The following HLTF variants were observed in gnomAD, a reference collection of about 807,000 sequenced individuals.
HLTF encodes the protein DNA-dependent ATPase/E3 ubiquitin-protein ligase HLTF.
In HLTF, 127 loss-of-function variants were observed where a neutral mutation model predicts 129.4. The ratio of observed to expected loss-of-function variants is 0.98; its 90% CI spans 0.85 to 1.14. The LOEUF (loss-of-function observed/expected upper bound fraction) is 1.14, where lower values mean the gene tolerates loss of function less well. HLTF is among the 50% of genes most tolerant of loss of function. HLTF has a pLI of 0.00. For missense variants in HLTF, 1,139 were observed against 1,187.1 expected, an observed-to-expected ratio of 0.96 and a Z score of 0.60; for synonymous variants, 332 against 388.8, an observed-to-expected ratio of 0.85 and a Z score of 1.72.
At chr3:149,040,308 C>G in intron 20 of HLTF, 152 bp from the exon 21 acceptor site, 1 of 604,198 alleles carries the variant, frequency 1.7e-6, no homozygotes, top group Non-Finnish European at 2.8e-6. Context: ...TAAGAGACAT[C>G]TGAACATGCT....
At chr3:149,080,263 G>C (rs1719758106) in intron 2 of HLTF, among the ~76,000 whole-genome samples, 1 of 152,174 alleles carries the variant, frequency 6.6e-6, no homozygotes, top group African/African-American at 2.4e-5. Flanking sequence ...TTTGGAACTA[G>C]ATTGTAGGGA....
At position 149,039,159 on chromosome 3, in the gene HLTF, A is replaced by C; in HGVS notation, c.2686T>G (p.Cys896Gly). 1 of 1,612,018 alleles carries C rather than the reference A, an allele frequency of 6.2e-7. No individual in the cohort carries two copies. Among genetic ancestry groups the C allele is most frequent in the Non-Finnish European group, 8.5e-7 (1 of 1,179,132 alleles). ...GATCCTGCTTCAGTGTTTTGAAAAC[A>C]CTGAATTGATTCAACTCTTTTCTTT... ...AQKKRVESIQCFQNTEAGSPT... is the reference protein window; with the variant it reads ...AQKKRVESIQGFQNTEAGSPT... Residue 896 changes from cysteine (C) to glycine (G), a missense_variant, in exon 23 of 25, where the codon TGT (cysteine) becomes GGT (glycine). Transcript: ENST00000310053.
intron 1 of HLTF, among the ~76,000 whole-genome samples, chr3:149,085,865 G>A (rs1720330728): frequency 6.6e-6 from 1 of 151,982 alleles, no homozygotes; most frequent in Non-Finnish European, 1.5e-5. Context: ...TCGCTTATTT[G>A]CGATGCGTTT....
intron 24 of HLTF, 28 bp from the exon 25 acceptor site, chr3:149,032,400 A>G (rs767762385): frequency 1.5e-6 from 2 of 1,338,542 alleles, no homozygotes; most frequent in Admixed American, 2.5e-5. Flanking sequence ...AAAGTTAAGT[A>G]GTTTTTAAGG....
At chr3:149,075,783 T>A in intron 3 of HLTF, 98 bp downstream of exon 3, 2 of 668,288 alleles carry the variant, frequency 3.0e-6, no homozygotes, top group South Asian at 6.1e-5. Context: ...TGATAGAAAT[T>A]GTTAGCATAC....
chr3:149,042,243 C>T lies in HLTF; in HGVS notation c.2120G>A (p.Gly707Asp). The T allele has an allele frequency of 2.5e-6, 4 of 1,612,764 alleles. No individual in the cohort carries two copies. The highest frequency in any genetic ancestry group is 3.4e-6 in the Non-Finnish European group (4 of 1,178,902). Residue 707 changes from glycine to aspartate, a missense_variant, in exon 19 of 25, where the codon GGT becomes GAT. Coordinates refer to ENST00000310053, the MANE Select transcript of HLTF (RefSeq NM_003071.4). ...TVLAHYADVL[G>D]LLLRLRQICC... is the part of the protein sequence containing the mutation. Reference sequence around the variant, plus strand: ...AATTTGCCGCAGTCTAAGCAAAAGACCCAGGACATCTGCATAATGTGCCAG... The same window carrying T: ...AATTTGCCGCAGTCTAAGCAAAAGATCCAGGACATCTGCATAATGTGCCAG...
At chr3:149,032,672 G>A (rs917932054) in intron 24 of HLTF, among the ~76,000 whole-genome samples, 4 of 152,050 alleles carry the variant, frequency 2.6e-5, no homozygotes, top group Admixed American at 2.6e-4. Flanking sequence ...GTATTAAAAA[G>A]GCCATTCTGG....
At chr3:149,070,298 A>G (rs1008239266) in intron 7 of HLTF, among the ~76,000 whole-genome samples, 2 of 152,264 alleles carry the variant, frequency 1.3e-5, no homozygotes, top group Non-Finnish European at 1.5e-5. Context: ...ACAACCTAAC[A>G]GAACAGACTG....
chr3:149,053,320 A>G (rs1717156482), intron 14 of HLTF, among the ~76,000 whole-genome samples: 1 of 152,114 alleles, frequency 6.6e-6, no homozygotes, highest in East Asian at 1.9e-4. Context: ...TGAGTGGCTT[A>G]GTGCTATCCC....
intron 16 of HLTF, 63 bp downstream of exon 16, chr3:149,048,800 C>CTAACTT: frequency 7.9e-7 from 1 of 1,266,756 alleles, no homozygotes; most frequent in Non-Finnish European, 1.1e-6. Context: ...AGTTACTTTA[C>CTAACTT]TAACTTACAT....
Position 149,074,324 on chromosome 3 carries a change from A to G in HLTF, c.420T>C (p.Asn140=), listed in dbSNP as rs1165777563. 1.9e-6 allele frequency: 3 copies of G among 1,612,840 alleles called. No individual in the cohort carries two copies. Among genetic ancestry groups the G allele is most frequent in the Admixed American group, 3.3e-5 (2 of 59,854 alleles). Reference sequence around the variant, plus strand: ...TCATATGCAGAGGCATGGTAAAAGCATTGTTTGCACCAAAAGGAACTACCC... The same window carrying G: ...TCATATGCAGAGGCATGGTAAAAGCGTTGTTTGCACCAAAAGGAACTACCC... The part of the protein sequence containing the change: ...IEGVVPFGAN[N]AFTMPLHMTF... The change falls in exon 4 of 25, where the codon AAT becomes AAC. Residue 140 remains asparagine (N), a synonymous_variant. Transcript: ENST00000310053.
intron 13 of HLTF, among the ~76,000 whole-genome samples, chr3:149,056,581 C>T (rs1374760072): frequency 6.6e-6 from 1 of 152,132 alleles, no homozygotes; most frequent in East Asian, 1.9e-4. Context: ...GGGTATGTTC[C>T]AAGACCCTCA....
intron 23 of HLTF, among the ~76,000 whole-genome samples, chr3:149,038,569 C>T (rs1715844936): frequency 6.6e-6 from 1 of 152,112 alleles, no homozygotes; most frequent in South Asian, 2.1e-4. Flanking sequence ...GTGACAGGAG[C>T]ATGGCTCACT....
chr3:149,039,789 T>C, intron 21 of HLTF, 96 bp from the exon 22 acceptor site: 1 of 727,598 alleles, frequency 1.4e-6, no homozygotes, highest in Non-Finnish European at 2.2e-6. Flanking sequence ...TGAAATGTTA[T>C]TTCCCTAAAA....
intron 10 of HLTF, among the ~76,000 whole-genome samples, chr3:149,061,193 G>A (rs528349239): frequency 6.6e-6 from 1 of 151,812 alleles, no homozygotes; most frequent in Non-Finnish European, 1.5e-5. Flanking sequence ...CCTTAGCCTC[G>A]GGAGTACCTA....
chr3:149,064,532 A>AT (rs913871924), intron 9 of HLTF, among the ~76,000 whole-genome samples: 2 of 151,972 alleles, frequency 1.3e-5, no homozygotes, highest in African/African-American at 2.4e-5. Context: ...CTTTCATGAG[A>AT]TTTTTTTTCA....
Position 149,073,155 on chromosome 3 carries a change from T to C in HLTF, c.627+70A>G, listed in dbSNP as rs1028139227. 7.0e-5 allele frequency: 68 copies of C among 970,230 alleles called. No homozygotes were observed. In the African/African-American group the frequency reaches 1.0e-3, roughly 14 times the overall value. 60.1% of individuals were successfully genotyped at this position (970,230 alleles called of 1,614,324 possible). On this transcript the variant is annotated intron_variant, in intron 5 of 24. Transcript: ENST00000310053. Reference sequence around the variant, plus strand: ...AATACCCACACGTACATATTCATCCTGTTCTTTTAAATACAAACCTGCAAC... The same window carrying C: ...AATACCCACACGTACATATTCATCCCGTTCTTTTAAATACAAACCTGCAAC...
intron 8 of HLTF, among the ~76,000 whole-genome samples, chr3:149,066,023 T>G (rs187028233): frequency 1.1e-3 from 164 of 152,058 alleles, no homozygotes; most frequent in Non-Finnish European, 2.0e-3. Context: ...TATTCAAACA[T>G]AAAGGATGTC....
intron 3 of HLTF, 51 bp from the exon 4 acceptor site, chr3:149,074,399 T>G (rs761734107): frequency 5.9e-6 from 9 of 1,524,054 alleles, no homozygotes; most frequent in Non-Finnish European, 8.0e-6. Context: ...TTACTTTTTA[T>G]CCCCACTAAG....
Sources: allele counts gnomAD v4.1 joint callset (sites outside exome capture counted in the v4.1 genomes callset), GRCh38; gene constraint gnomAD v4.1.1; transcripts MANE v1.5; gene names NCBI Gene and HGNC (gene_info 2026-07-23, HGNC 2026-07-21).